The following AGAP1 variants were observed in gnomAD, a reference collection of about 807,000 sequenced individuals.
AGAP1 encodes ArfGAP with GTPase domain, ankyrin repeat and PH domain 1, also known as arf-GAP with GTPase, ANK repeat and PH domain-containing protein 1.
A neutral mutation model predicts 105.3 loss-of-function variants in AGAP1; 29 were observed. The ratio of observed to expected loss-of-function variants is 0.28; its 90% CI spans 0.21 to 0.38. The LOEUF is 0.38. Ranked by LOEUF, AGAP1 falls within the 10% of genes least tolerant of loss-of-function variation. The pLI, the probability that AGAP1 is intolerant of heterozygous loss-of-function variation, is 1.00. For missense variants in AGAP1, 998 were observed against 1,165.1 expected (o/e 0.86, Z 2.09); for synonymous variants, 509 against 485.9 (o/e 1.05, Z -0.63).
In AGAP1 at chr2:235,586,934, G is replaced by C. The variant is rs1280940184; in HGVS notation, c.163+92085G>C. 6.6e-6 allele frequency among the ~76,000 whole-genome samples: 1 copy of C among 152,166 alleles called. No individual in the cohort carries two copies. The highest frequency in any genetic ancestry group is 1.5e-5 in the Non-Finnish European group (1 of 68,034). On this transcript the variant is annotated intron_variant, in intron 1 of 17. Transcript: ENST00000304032. This position sits in a 1 kb window ranked among gnomAD's most constrained non-coding sequence, Gnocchi z 4.2. ...TTGAATGAACTCACGTGTGTAACCA[G>C]ATCAAGAGGCAGAATATTACTAGGG...
intron 12 of AGAP1, among the ~76,000 whole-genome samples, chr2:235,946,959 C>G (rs1427099042): frequency 2.0e-5 from 3 of 152,222 alleles, no homozygotes; most frequent in African/African-American, 7.2e-5. Flanking sequence ...CACCTTACTT[C>G]TGCGTGCCAC....
chr2:235,619,996 T>C (rs957670576), intron 1 of AGAP1, among the ~76,000 whole-genome samples: 1 of 152,272 alleles, frequency 6.6e-6, no homozygotes, highest in East Asian at 1.9e-4. Context: ...AGGAGACACA[T>C]GTTACTGTCT....
At chr2:235,997,927 TG>T (rs976738743) in intron 13 of AGAP1, among the ~76,000 whole-genome samples, 4 of 152,168 alleles carry the variant, frequency 2.6e-5, no homozygotes, top group African/African-American at 9.7e-5. Flanking sequence ...CGGAGGCTGG[TG>T]TTACACATGA....
rs530039908 is a variant in AGAP1 at position 235,826,597 on chromosome 2, C to A, written c.1050+19266C>A. Among the ~76,000 whole-genome samples, 33 of 151,992 alleles carry A rather than the reference C, an allele frequency of 2.2e-4. No individual in the cohort carries two copies. The East Asian group carries it at 6.0e-3, about 28-fold the overall frequency. ...CCCAAGTAGCTGGGATTACAGGCGC[C>A]CGCCACCACACCCAGCTAATTTTTG... On this transcript the variant is annotated intron_variant, in intron 9 of 17. Coordinates refer to ENST00000304032, the MANE Select transcript of AGAP1 (RefSeq NM_001037131.3).
chr2:235,670,741 C>A, intron 1 of AGAP1: 1 of 909,134 alleles, frequency 1.1e-6, no homozygotes, highest in Non-Finnish European at 1.7e-6. Flanking sequence ...TGGACGTGGG[C>A]GAGGTGCTCA....
rs1034978362 is a variant in AGAP1, at chr2:235,934,848, T to C, written c.1483+3925T>C. 2.0e-5 allele frequency among the ~76,000 whole-genome samples: 3 copies of C among 152,056 alleles called. No homozygotes were observed. Among genetic ancestry groups the C allele is most frequent in the Non-Finnish European group, 4.4e-5 (3 of 68,030 alleles). On this transcript the variant is annotated intron_variant, in intron 12 of 17. Transcript: ENST00000304032. This position sits in a 1 kb window ranked among gnomAD's most constrained non-coding sequence, Gnocchi z 4.9. ...TTCCCATTGTTGTGCACTCTTACTCTAAAACATAATAATCACGGCAACATT... is the reference window on the plus strand; with the variant it reads ...TTCCCATTGTTGTGCACTCTTACTCCAAAACATAATAATCACGGCAACATT...
chr2:235,666,164 C>G (rs1309511292), intron 1 of AGAP1, among the ~76,000 whole-genome samples: 3 of 151,962 alleles, frequency 2.0e-5, no homozygotes, highest in African/African-American at 7.2e-5. Context: ...GAGGCATTAC[C>G]CGGCTGCTGT....
intron 1 of AGAP1, among the ~76,000 whole-genome samples, chr2:235,681,831 T>G (rs1272574837): frequency 6.8e-6 from 1 of 148,074 alleles, no homozygotes. Context: ...ATAAAGGGTC[T>G]AATTTAGTTT....
At chr2:235,693,775 G>T (rs1003287651) in intron 1 of AGAP1, among the ~76,000 whole-genome samples, 2 of 152,226 alleles carry the variant, frequency 1.3e-5, no homozygotes, top group Admixed American at 1.3e-4. Flanking sequence ...ACTGAGAATA[G>T]ATTTGAATTA....
In AGAP1 at chr2:235,904,377, G is replaced by T. The variant is rs1175532461; in HGVS notation, c.1156-4361G>T. 6.6e-6 allele frequency among the ~76,000 whole-genome samples: 1 copy of T among 152,146 alleles called. No individual in the cohort carries two copies. The highest frequency in any genetic ancestry group is 1.5e-5 in the Non-Finnish European group (1 of 68,038). ...GCCGCATGATGATCATGGACAACTT[G>T]AGAAGGAAAATGCAAATAGGTTTGC... On this transcript the variant is annotated intron_variant, in intron 10 of 17. Coordinates refer to ENST00000304032, the MANE Select transcript of AGAP1 (RefSeq NM_001037131.3). The surrounding 1 kb of genome is among the most constrained non-coding windows in gnomAD (Gnocchi z 4.2).
intron 9 of AGAP1, among the ~76,000 whole-genome samples, chr2:235,870,980 TC>T (rs1033502231): frequency 3.3e-5 from 5 of 152,220 alleles, no homozygotes; most frequent in African/African-American, 1.2e-4. Flanking sequence ...CATAATCTGT[TC>T]CATTAAACAA....
rs536918751 is a variant in AGAP1, at chr2:236,105,597, C to G, written c.2115-14595C>G. Among the ~76,000 whole-genome samples, 75 of 149,080 alleles carry G rather than the reference C, an allele frequency of 5.0e-4. No individual in the cohort carries two copies. The highest frequency in any genetic ancestry group is 1.9e-3 in the African/African-American group (75 of 40,198). On this transcript the variant is annotated intron_variant, in intron 16 of 17. Coordinates refer to ENST00000304032, the MANE Select transcript of AGAP1 (RefSeq NM_001037131.3). The surrounding 1 kb of genome is among the most constrained non-coding windows in gnomAD (Gnocchi z 4.2). Reference sequence around the variant, plus strand: ...TTGAGACACAGTCTCGCTCTGTCACCCAGGCTGCAGTGCAGTGGCGTGAAC... The same window carrying G: ...TTGAGACACAGTCTCGCTCTGTCACGCAGGCTGCAGTGCAGTGGCGTGAAC...
Position 235,704,969 on chromosome 2 carries a change from CTTTTT to C in AGAP1, c.164-4187_164-4183del, listed in dbSNP as rs969370505. Among the ~76,000 whole-genome samples the C allele has an allele frequency of 1.3e-4, 8 of 59,736 alleles. No homozygotes were observed. The South Asian group carries it at 3.0e-3, about 22-fold the overall frequency. 39.2% of individuals were successfully genotyped at this position (59,736 alleles called of 152,430 possible). ...ATTGTAAAATACAAGATGCTTTTTTCTTTTTTTTTTTTTTTTTTTTTTTTTTTGCG... is the reference window on the plus strand; with the variant it reads ...ATTGTAAAATACAAGATGCTTTTTTCTTTTTTTTTTTTTTTTTTTTTTGCG... On this transcript the variant is annotated intron_variant, in intron 1 of 17. Coordinates refer to ENST00000304032, the MANE Select transcript of AGAP1 (RefSeq NM_001037131.3).
chr2:235,604,074 ATT>A (rs58547716), intron 1 of AGAP1, among the ~76,000 whole-genome samples: 323 of 149,350 alleles, frequency 2.2e-3, no homozygotes, highest in Admixed American at 3.5e-3. Context: ...TTATTTGCTC[ATT>A]TTTTTTTTCC....
At chr2:235,786,244 A>G (rs1213231819) in intron 6 of AGAP1, among the ~76,000 whole-genome samples, 1 of 152,318 alleles carries the variant, frequency 6.6e-6, no homozygotes, top group East Asian at 1.9e-4. Context: ...GTGAGAGAGA[A>G]AGTTAATCAT....
rs1014435648 is a variant in AGAP1 at position 235,639,538 on chromosome 2, T to C, written c.164-69641T>C. On this transcript the variant is annotated intron_variant, in intron 1 of 17. Transcript: ENST00000304032. This position sits in a 1 kb window ranked among gnomAD's most constrained non-coding sequence, Gnocchi z 5.3. ...CTCATGAACAGATGTGGAAACATCG[T>C]GGGATGATCTCATGGTGGGTGGGAC... Among the ~76,000 whole-genome samples the C allele has an allele frequency of 2.6e-5, 4 of 152,142 alleles. No individual in the cohort carries two copies. Among genetic ancestry groups the C allele is most frequent in the African/African-American group, 9.7e-5 (4 of 41,438 alleles).
chr2:235,897,731 A>T (rs1173551990), intron 10 of AGAP1, among the ~76,000 whole-genome samples: 1 of 152,204 alleles, frequency 6.6e-6, no homozygotes, highest in South Asian at 2.1e-4. Context: ...AGGACTCAGT[A>T]GGAGAGGATG....
intron 1 of AGAP1, among the ~76,000 whole-genome samples, chr2:235,531,589 G>T (rs1559227816): frequency 6.6e-6 from 1 of 150,780 alleles, no homozygotes; most frequent in Non-Finnish European, 1.5e-5. Context: ...GGACACCTTT[G>T]GTTCTCTGGT....
rs2057084152 is a variant in AGAP1 at position 236,027,286 on chromosome 2, A to C, written c.1646-9275A>C. Among the ~76,000 whole-genome samples the C allele has an allele frequency of 6.6e-6, 1 of 152,144 alleles. No individual in the cohort carries two copies. The highest frequency in any genetic ancestry group is 2.4e-5 in the African/African-American group (1 of 41,442). On this transcript the variant is annotated intron_variant, in intron 13 of 17. Transcript: ENST00000304032. This position sits in a 1 kb window ranked among gnomAD's most constrained non-coding sequence, Gnocchi z 4.4. ...AGCCACCTAAAGACAGGATCCTGGG[A>C]AACACATGGGCCTAGCATAGCTGGA...
Sources: allele counts gnomAD v4.1 joint callset (sites outside exome capture counted in the v4.1 genomes callset), GRCh38; gene constraint gnomAD v4.1.1; non-coding constraint Gnocchi (gnomAD v3.1); transcripts MANE v1.5; gene names NCBI Gene and HGNC (gene_info 2026-07-23, HGNC 2026-07-21).